PCDH11Y: variants seen among roughly 807,000 people sequenced by gnomAD.
PCDH11Y encodes the protein protocadherin-11 Y-linked.
For missense variants in PCDH11Y, 12 were observed against 224.8 expected (o/e 0.05, Z 6.05); for synonymous variants, 9 against 83.6 (o/e 0.11, Z 4.87).
chrY:5,300,702 C>T, intron 2 of PCDH11Y, among the ~76,000 whole-genome samples: 1 of 32,482 alleles, frequency 3.1e-5, no homozygotes, highest in Middle Eastern at 0.014. Flanking sequence ...TCTGAGTGGG[C>T]ATGGGAGAGA....
At chrY:5,519,508 C>G in intron 3 of PCDH11Y, among the ~76,000 whole-genome samples, 1 of 31,681 alleles carries the variant, frequency 3.2e-5, no homozygotes, top group Admixed American at 2.9e-4. Context: ...TTACTATACA[C>G]AAGTGTTGAT....
intron 2 of PCDH11Y, among the ~76,000 whole-genome samples, chrY:5,157,336 A>G (rs2124644109): frequency 3.1e-5 from 1 of 31,877 alleles, no homozygotes; most frequent in African/African-American, 1.2e-4. Context: ...CTTATCCTCA[A>G]AAATTTTCTA....
chrY:5,534,124 G>A (rs2053397799), intron 3 of PCDH11Y, among the ~76,000 whole-genome samples: 1 of 32,745 alleles, frequency 3.1e-5, no homozygotes, highest in Admixed American at 2.8e-4. Flanking sequence ...GCTCTTCTCC[G>A]TCTTTTTTCA....
At chrY:5,460,427 C>CAGATGGGGATTTGTGGGTAATTTGT (rs2053302183) in intron 2 of PCDH11Y, among the ~76,000 whole-genome samples, 1 of 32,947 alleles carries the variant, frequency 3.0e-5, no homozygotes, top group African/African-American at 1.2e-4. Context: ...GTGAACAATT[C>CAGATGGGGATTTGTGGGTAATTTGT]AGATGGGGAT....
intron 2 of PCDH11Y, among the ~76,000 whole-genome samples, chrY:5,216,643 T>C: frequency 6.4e-5 from 2 of 31,171 alleles, no homozygotes; most frequent in Non-Finnish European, 1.5e-4. Context: ...TCAATTTTTA[T>C]GAGCTGGAGG....
intron 3 of PCDH11Y, among the ~76,000 whole-genome samples, chrY:5,501,985 C>T: frequency 3.2e-5 from 1 of 31,365 alleles, no homozygotes; most frequent in Non-Finnish European, 7.7e-5. Flanking sequence ...CTTGAAATTG[C>T]AAGAAGCTAC....
chrY:5,125,731 G>T (rs2052824434), intron 2 of PCDH11Y, among the ~76,000 whole-genome samples: 1 of 33,361 alleles, frequency 3.0e-5, no homozygotes. Context: ...CTCAGCTCAG[G>T]TTCCTCTATG....
chrY:5,046,067 G>A (rs2052636852), intron 3 of PCDH11Y, among the ~76,000 whole-genome samples: 1 of 33,360 alleles, frequency 3.0e-5, no homozygotes, highest in Non-Finnish European at 7.5e-5. Context: ...ATGTCCTCCC[G>A]TAGCTCAGAG....
At chrY:5,543,313 G>A in intron 3 of PCDH11Y, among the ~76,000 whole-genome samples, 1 of 33,961 alleles carries the variant, frequency 2.9e-5, no homozygotes. Context: ...TTTCTGTTCT[G>A]ATTCCATTTT....
chrY:5,242,069 G>A (rs2052988812), intron 2 of PCDH11Y, among the ~76,000 whole-genome samples: 1 of 27,782 alleles, frequency 3.6e-5, no homozygotes, highest in Non-Finnish European at 8.3e-5. Context: ...GGGCAACATG[G>A]CAAAACCTTG....
intron 2 of PCDH11Y, among the ~76,000 whole-genome samples, chrY:5,286,891 T>G: frequency 3.0e-5 from 1 of 33,040 alleles, no homozygotes; most frequent in African/African-American, 1.2e-4. Flanking sequence ...ATCTTTTATT[T>G]ATTTCTATTG....
intron 4 of PCDH11Y, among the ~76,000 whole-genome samples, chrY:5,676,868 C>G: frequency 3.3e-5 from 1 of 30,228 alleles, no homozygotes; most frequent in Non-Finnish European, 7.9e-5. Context: ...TCCAAACTTT[C>G]CCATATTTTT....
intron 2 of PCDH11Y, among the ~76,000 whole-genome samples, chrY:5,333,761 C>T (rs2053133486): frequency 9.3e-5 from 3 of 32,245 alleles, no homozygotes; most frequent in South Asian, 7.3e-4. Context: ...TGGTGGCAGG[C>T]GCCTCTAGTC....
intron 2 of PCDH11Y, among the ~76,000 whole-genome samples, chrY:5,120,209 G>A: frequency 6.1e-5 from 2 of 32,786 alleles, no homozygotes; most frequent in African/African-American, 1.2e-4. Context: ...AAATTAGATA[G>A]TATAAAAAAA....
At chrY:5,146,012 G>A in intron 2 of PCDH11Y, among the ~76,000 whole-genome samples, 1 of 33,184 alleles carries the variant, frequency 3.0e-5, no homozygotes, top group African/African-American at 1.2e-4. Flanking sequence ...GGTCAGTGGC[G>A]GGCAAAGAAG....
At chrY:5,016,617 C>T in intron 1 of PCDH11Y, among the ~76,000 whole-genome samples, 3 of 32,346 alleles carry the variant, frequency 9.3e-5, no homozygotes, top group African/African-American at 3.6e-4. Context: ...TATGTTATAA[C>T]ATTTACCTTC....
At chrY:5,111,455 C>G in intron 2 of PCDH11Y, among the ~76,000 whole-genome samples, 1 of 33,351 alleles carries the variant, frequency 3.0e-5, no homozygotes, top group African/African-American at 1.2e-4. Context: ...GAGTTATCTT[C>G]CAGATTGTTA....
At chrY:5,339,434 C>G in intron 2 of PCDH11Y, among the ~76,000 whole-genome samples, 1 of 32,072 alleles carries the variant, frequency 3.1e-5, no homozygotes, top group Non-Finnish European at 7.5e-5. Context: ...TCACTGCAAC[C>G]TCTGCCTCCC....
intron 2 of PCDH11Y, among the ~76,000 whole-genome samples, chrY:5,155,422 G>T: frequency 3.1e-5 from 1 of 32,441 alleles, no homozygotes; most frequent in Non-Finnish European, 7.6e-5. Context: ...TCATTACCTA[G>T]GTATGAAGCC....
Sources: allele counts gnomAD v4.1 joint callset (sites outside exome capture counted in the v4.1 genomes callset), GRCh38; gene constraint gnomAD v4.1.1; transcripts MANE v1.5; gene names NCBI Gene and HGNC (gene_info 2026-07-23, HGNC 2026-07-21).